The following ARID1B variants were observed in gnomAD, a reference collection of about 807,000 sequenced individuals.
ARID1B encodes AT-rich interaction domain 1B.
Under a neutral mutation model 212.3 loss-of-function variants are expected in ARID1B, and 30 were observed. The observed-to-expected ratio is 0.14, with a 90% CI of 0.11 to 0.19. The LOEUF is 0.19. Ranked by LOEUF, ARID1B falls within the 10% of genes least tolerant of loss-of-function variation. The probability of loss-of-function intolerance (pLI) is 1.00; values close to 1 mark genes in which losing one functional copy is unlikely to be tolerated. For missense variants in ARID1B, 2,891 were observed against 3,204.0 expected, an observed-to-expected ratio of 0.90 and a Z score of 2.36; for synonymous variants, 1,402 against 1,301.7, an observed-to-expected ratio of 1.08 and a Z score of -1.66.
At chr6:156,968,076 G>T (rs991753313) in intron 4 of ARID1B, among the ~76,000 whole-genome samples, 5 of 152,136 alleles carry the variant, frequency 3.3e-5, no homozygotes, top group African/African-American at 1.2e-4. Flanking sequence ...TTCCTGCAGG[G>T]AGCTGTCTCC....
At position 157,209,310 on chromosome 6, in the gene ARID1B, T is replaced by G. The variant is rs1156501160; in HGVS notation, c.*1419T>G. 8.6e-6 allele frequency: 2 copies of G among 232,350 alleles called. No individual in the cohort carries two copies. The highest frequency in any genetic ancestry group is 1.7e-5 in the Non-Finnish European group (2 of 117,356). 14.4% of individuals were successfully genotyped at this position (232,350 alleles called of 1,614,324 possible). ...CTGTTCTAGTTTCCTTAAAGTGGTT[T>G]CCTAGTAATCAAGTTATTTACAAGA... is the stretch of plus-strand genomic sequence containing the variant. On this transcript the variant is annotated 3_prime_UTR_variant, in exon 20 of 20. Coordinates refer to ENST00000636930, the MANE Select transcript of ARID1B (RefSeq NM_001374828.1).
Position 157,090,679 on chromosome 6 carries a change from G to A in ARID1B, c.2491+5774G>A, listed in dbSNP as rs184518940. ...AGAACCCTTTTTCTTTTCACATTTC[G>A]TGCTTCGCTGTTTGAGGCGCTCACC... On this transcript the variant is annotated intron_variant, in intron 5 of 19. Coordinates refer to ENST00000636930, the MANE Select transcript of ARID1B (RefSeq NM_001374828.1). Among the ~76,000 whole-genome samples the A allele has an allele frequency of 5.3e-5, 8 of 152,272 alleles. No homozygotes were observed. The South Asian group carries it at 6.2e-4, about 12-fold the overall frequency.
At chr6:156,801,941 A>G (rs1456301221) in intron 1 of ARID1B, among the ~76,000 whole-genome samples, 4 of 152,240 alleles carry the variant, frequency 2.6e-5, no homozygotes, top group Non-Finnish European at 5.9e-5. Context: ...GAAATTGACT[A>G]AAATGTTTTA....
chr6:157,126,836 C>G (rs373275438), intron 6 of ARID1B, among the ~76,000 whole-genome samples: 36 of 152,154 alleles, frequency 2.4e-4, no homozygotes, highest in East Asian at 1.6e-3. Flanking sequence ...GCGTGGTACT[C>G]TAAACTCAGA....
intron 2 of ARID1B, among the ~76,000 whole-genome samples, chr6:156,891,020 G>A (rs1787884573): frequency 6.6e-6 from 1 of 152,180 alleles, no homozygotes; most frequent in Admixed American, 6.5e-5. Flanking sequence ...TAGCTTAAGG[G>A]ACTGTGGAAT....
intron 4 of ARID1B, among the ~76,000 whole-genome samples, chr6:156,961,960 A>C (rs1191280596): frequency 2.0e-5 from 3 of 152,106 alleles, no homozygotes; most frequent in African/African-American, 7.2e-5. Context: ...AAATGGACTG[A>C]TTTCTCTGAT....
Position 157,190,841 on chromosome 6 carries a change from C to T in ARID1B, c.4231+631C>T, listed in dbSNP as rs937192040. Among the ~76,000 whole-genome samples, 17 of 148,040 alleles carry T rather than the reference C, an allele frequency of 1.1e-4. No homozygotes were observed. Among genetic ancestry groups the T allele is most frequent in the African/African-American group, 3.8e-4 (15 of 39,934 alleles). ...CAGATAGCAGTGGCACTGGGTGGCGCGGTGGGAGAGAGGGAAAGCGATTTA... is the reference window on the plus strand; with the variant it reads ...CAGATAGCAGTGGCACTGGGTGGCGTGGTGGGAGAGAGGGAAAGCGATTTA... On this transcript the variant is annotated intron_variant, in intron 15 of 19. Transcript: ENST00000636930. The surrounding 1 kb of genome is among the most constrained non-coding windows in gnomAD (Gnocchi z 4.6).
At chr6:156,822,736 G>C (rs176375) in intron 1 of ARID1B, among the ~76,000 whole-genome samples, 27,380 of 152,174 alleles carry the variant, frequency 0.18, 2,723 homozygotes, top group Middle Eastern at 0.22. Context: ...GCTCTGAAGT[G>C]TGTCCCACAG....
intron 6 of ARID1B, among the ~76,000 whole-genome samples, chr6:157,131,938 C>T (rs1333978523): frequency 6.6e-6 from 1 of 152,202 alleles, no homozygotes; most frequent in Non-Finnish European, 1.5e-5. Flanking sequence ...ATCCACCCAC[C>T]TCGACCTCCC....
intron 2 of ARID1B, among the ~76,000 whole-genome samples, chr6:156,839,573 A>T (rs1185752769): frequency 6.6e-6 from 1 of 152,190 alleles, no homozygotes; most frequent in Non-Finnish European, 1.5e-5. Context: ...TTTCTCCCCT[A>T]GTGTCTCTGG....
intron 1 of ARID1B, among the ~76,000 whole-genome samples, chr6:156,808,903 A>G (rs1040374429): frequency 2.6e-5 from 4 of 152,238 alleles, no homozygotes; most frequent in African/African-American, 7.2e-5. Context: ...TTTGGGAGAA[A>G]TGTCTTAAGA....
rs372767127 is a variant in ARID1B, at chr6:157,196,307, C to T, written c.4374C>T (p.Tyr1458=). 71 of 1,586,456 alleles carry T rather than the reference C, an allele frequency of 4.5e-5. No homozygotes were observed. Among genetic ancestry groups the T allele is most frequent in the African/African-American group, 8.2e-5 (6 of 72,780 alleles). Residue 1458 remains tyrosine (Y), a synonymous_variant, in exon 16 of 20, where the codon TAC becomes TAT. Coordinates refer to ENST00000636930, the MANE Select transcript of ARID1B (RefSeq NM_001374828.1). The part of the protein sequence containing the change: ...QRQQFPYGAS[Y]DRRHEPYGQQ... ...AGCAGTTTCCCTATGGAGCCAGTTA[C>T]GACCGAAGGTGAGTATTTTTTAAGA...
intron 15 of ARID1B, among the ~76,000 whole-genome samples, chr6:157,193,302 G>A (rs2128347300): frequency 6.6e-6 from 1 of 152,214 alleles, no homozygotes; most frequent in East Asian, 1.9e-4. Context: ...TTTTCACATT[G>A]TAAGAATGTT....
intron 4 of ARID1B, among the ~76,000 whole-genome samples, chr6:157,041,987 G>C (rs1019038296): frequency 6.6e-6 from 1 of 152,074 alleles, no homozygotes; most frequent in African/African-American, 2.4e-5. Context: ...TCTTCCTGTG[G>C]CTTCCTCAGC....
At chr6:156,823,688 G>GTTGTTTTTTTTTTTTTTTTTTTTTTTT (rs371775783) in intron 1 of ARID1B, among the ~76,000 whole-genome samples, 1 of 118,030 alleles carries the variant, frequency 8.5e-6, no homozygotes, top group Non-Finnish European at 1.8e-5. Flanking sequence ...TTTCTTTGTT[G>GTTGTTTTTTTTTTTTTTTTTTTTTTTT]TTTTTTTTTT....
intron 8 of ARID1B, among the ~76,000 whole-genome samples, chr6:157,158,294 G>A (rs986827659): frequency 6.6e-6 from 1 of 152,202 alleles, no homozygotes; most frequent in Non-Finnish European, 1.5e-5. Context: ...CCAGGCCACC[G>A]TTAACTCAGG....
At chr6:157,010,611 T>C (rs1385745305) in intron 4 of ARID1B, among the ~76,000 whole-genome samples, 3 of 149,036 alleles carry the variant, frequency 2.0e-5, no homozygotes, top group African/African-American at 7.5e-5. Context: ...TGAGCCACCA[T>C]GCCCGGCCTG....
rs143926287 is a variant in ARID1B at position 156,949,354 on chromosome 6, A to G, written c.2247+13778A>G. On this transcript the variant is annotated intron_variant, in intron 4 of 19. Coordinates refer to ENST00000636930, the MANE Select transcript of ARID1B (RefSeq NM_001374828.1). Reference sequence around the variant, plus strand: ...CCTAATTGAGCTTTTCAGCCGGGATACTCCACCTAGAGTACTTTGCACATA... The same window carrying G: ...CCTAATTGAGCTTTTCAGCCGGGATGCTCCACCTAGAGTACTTTGCACATA... Among the ~76,000 whole-genome samples, 414 of 152,198 alleles carry G rather than the reference A, an allele frequency of 2.7e-3. 1 individual carries two copies. Among genetic ancestry groups the G allele is most frequent in the Non-Finnish European group, 4.6e-3 (311 of 67,992 alleles).
intron 2 of ARID1B, among the ~76,000 whole-genome samples, chr6:156,845,748 T>A (rs1334482681): frequency 6.6e-6 from 1 of 152,186 alleles, no homozygotes; most frequent in East Asian, 1.9e-4. Context: ...TTGGTGCTAT[T>A]TTTTTCTTCG....
Sources: allele counts gnomAD v4.1 joint callset (sites outside exome capture counted in the v4.1 genomes callset), GRCh38; gene constraint gnomAD v4.1.1; non-coding constraint Gnocchi (gnomAD v3.1); transcripts MANE v1.5; gene names NCBI Gene and HGNC (gene_info 2026-07-23, HGNC 2026-07-21).